The following CNTNAP5 variants were observed in gnomAD, a reference collection of about 807,000 sequenced individuals.
The protein encoded by CNTNAP5 is contactin-associated protein-like 5.
CNTNAP5 carries 72 observed loss-of-function variants against 150.2 expected under a neutral mutation model. The ratio of observed to expected loss-of-function variants is 0.48; its 90% confidence interval spans 0.40 to 0.58. The LOEUF (loss-of-function observed/expected upper bound fraction) is 0.58, where lower values mean the gene tolerates loss of function less well. CNTNAP5 is among the 20% of genes least tolerant of loss of function. The pLI is 0.00. For synonymous variants in CNTNAP5, 672 were observed against 619.8 expected, an observed-to-expected ratio of 1.08 and a Z score of -1.25; for missense variants, 1,636 against 1,626.2, an observed-to-expected ratio of 1.01 and a Z score of -0.10.
At chr2:124,037,042 C>G (rs1326247152) in intron 1 of CNTNAP5, among the ~76,000 whole-genome samples, 1 of 152,268 alleles carries the variant, frequency 6.6e-6, no homozygotes, top group Non-Finnish European at 1.5e-5. Flanking sequence ...TCTAGACCCA[C>G]AGATTCTGCC....
At chr2:124,538,731 G>T (rs534050680) in intron 10 of CNTNAP5, among the ~76,000 whole-genome samples, 1 of 152,138 alleles carries the variant, frequency 6.6e-6, no homozygotes, top group Non-Finnish European at 1.5e-5. Context: ...TGGCAGAGTA[G>T]CAGAGGAGAC....
At chr2:124,090,449 G>A (rs1466399080) in intron 1 of CNTNAP5, among the ~76,000 whole-genome samples, 1 of 152,134 alleles carries the variant, frequency 6.6e-6, no homozygotes, top group African/African-American at 2.4e-5. Flanking sequence ...CATTATCTAT[G>A]AGACTCTAAT....
At chr2:124,372,267 TG>T (rs1045362045) in intron 3 of CNTNAP5, among the ~76,000 whole-genome samples, 67 of 152,178 alleles carry the variant, frequency 4.4e-4, no homozygotes, top group African/African-American at 1.6e-3. Context: ...AGCCTCATAC[TG>T]GGGACTGTGC....
rs1471654158 is a variant in CNTNAP5, at chr2:124,842,308, G to A, written c.3218-22998G>A. 5.3e-5 allele frequency among the ~76,000 whole-genome samples: 8 copies of A among 152,258 alleles called. No individual in the cohort carries two copies. In the East Asian group the frequency reaches 1.4e-3, roughly 26 times the overall value. On this transcript the variant is annotated intron_variant, in intron 19 of 23. Coordinates refer to ENST00000682447, the MANE Select transcript of CNTNAP5 (RefSeq NM_001367498.1). ...TCAGTTTCTCCCATGGAGTTTTGTG[G>A]AGTGTACCTTTTATACATGCAACAG...
Position 124,798,202 on chromosome 2 carries a change from T to A in CNTNAP5, c.3099T>A (p.Asp1033Glu). Residue 1033 changes from aspartate to glutamate, a missense_variant, in exon 19 of 24, where the codon GAT becomes GAA. Transcript: ENST00000682447. The stretch of plus-strand genomic sequence containing the variant: ...TCTCATCCTCAGCTATTTACACAGA[T>A]TCAGCTCCATCCAAGGAAAACATTG... ...ISLSSSAIYTDSAPSKENIAL... is the reference protein window; with the variant it reads ...ISLSSSAIYTESAPSKENIAL... The A allele has an allele frequency of 6.2e-7, 1 of 1,613,846 alleles. No homozygotes were observed. The highest frequency in any genetic ancestry group is 8.5e-7 in the Non-Finnish European group (1 of 1,179,760).
intron 13 of CNTNAP5, among the ~76,000 whole-genome samples, chr2:124,728,130 T>C (rs1680199015): frequency 6.6e-6 from 1 of 152,088 alleles, no homozygotes. Flanking sequence ...TGTTGAACAA[T>C]CCTTTTATCT....
chr2:124,209,282 G>T (rs1316189379), intron 1 of CNTNAP5, among the ~76,000 whole-genome samples: 2 of 152,180 alleles, frequency 1.3e-5, no homozygotes, highest in African/African-American at 4.8e-5. Flanking sequence ...AAGTCAGAGA[G>T]AAGATGCGTT....
rs1678764451 is a variant in CNTNAP5 at position 124,916,179 on chromosome 2, T to G, written c.*1891T>G. Among the ~76,000 whole-genome samples the G allele has an allele frequency of 6.6e-6, 1 of 151,958 alleles. No homozygotes were observed. The highest frequency in any genetic ancestry group is 2.1e-4 in the South Asian group (1 of 4,836). On this transcript the variant is annotated 3_prime_UTR_variant, in exon 24 of 24. Coordinates refer to ENST00000682447, the MANE Select transcript of CNTNAP5 (RefSeq NM_001367498.1). ...AATGCATATTCTCTCCTCGAAATTT[T>G]CTGTGGATTTGAGCTCAATCGCTTT... is the stretch of plus-strand genomic sequence containing the variant.
intron 4 of CNTNAP5, among the ~76,000 whole-genome samples, chr2:124,427,604 C>T (rs1326594327): frequency 1.3e-5 from 2 of 151,704 alleles, no homozygotes; most frequent in Non-Finnish European, 2.9e-5. Flanking sequence ...TTACAGGTGC[C>T]CACAAGGACG....
chr2:124,656,746 A>G (rs1350270570), intron 13 of CNTNAP5, among the ~76,000 whole-genome samples: 2 of 152,228 alleles, frequency 1.3e-5, no homozygotes, highest in Non-Finnish European at 2.9e-5. Context: ...ACTACATAAA[A>G]TAAAATATGC....
At chr2:124,485,631 A>AAAGAAGAAG (rs1553472351) in intron 7 of CNTNAP5, among the ~76,000 whole-genome samples, 2 of 134,266 alleles carry the variant, frequency 1.5e-5, no homozygotes, top group Admixed American at 8.2e-5. Context: ...AAAAAAAAAA[A>AAAGAAGAAG]AAAGAAGAAG....
chr2:124,039,108 A>G (rs1422372015), intron 1 of CNTNAP5, among the ~76,000 whole-genome samples: 2 of 152,208 alleles, frequency 1.3e-5, no homozygotes, highest in East Asian at 3.8e-4. Flanking sequence ...ATTGGAATTT[A>G]CTGATTTGAA....
chr2:124,760,704 T>A, intron 14 of CNTNAP5, among the ~76,000 whole-genome samples: 1 of 152,132 alleles, frequency 6.6e-6, no homozygotes, highest in East Asian at 1.9e-4. Flanking sequence ...TGCTCATGCA[T>A]TCCTGGTGTG....
chr2:124,419,153 A>AAAAAAAAAAAAAAAAC (rs1553466545), intron 4 of CNTNAP5, among the ~76,000 whole-genome samples: 11 of 76,416 alleles, frequency 1.4e-4, no homozygotes, highest in Admixed American at 3.2e-4. Flanking sequence ...AAAAAAAAAA[A>AAAAAAAAAAAAAAAAC]AAAAAAAAAA....
intron 16 of CNTNAP5, among the ~76,000 whole-genome samples, chr2:124,772,543 A>G (rs1681226919): frequency 6.6e-6 from 1 of 152,200 alleles, no homozygotes; most frequent in African/African-American, 2.4e-5. Flanking sequence ...CAGGTATATC[A>G]GATGAGCATG....
At chr2:124,372,902 T>G (rs1170285003) in intron 3 of CNTNAP5, among the ~76,000 whole-genome samples, 1 of 152,114 alleles carries the variant, frequency 6.6e-6, no homozygotes, top group Non-Finnish European at 1.5e-5. Context: ...GTATCAAATA[T>G]GCATGTGAGG....
chr2:124,538,561 AAAAGAAAG>A (rs544582073), intron 10 of CNTNAP5, among the ~76,000 whole-genome samples: 3 of 151,144 alleles, frequency 2.0e-5, no homozygotes, highest in Admixed American at 6.6e-5. Context: ...AGAAAGAAAG[AAAAGAAAG>A]AAAGAAAGAA....
chr2:124,052,165 G>T (rs1681713826), intron 1 of CNTNAP5, among the ~76,000 whole-genome samples: 1 of 152,114 alleles, frequency 6.6e-6, no homozygotes, highest in Non-Finnish European at 1.5e-5. Context: ...GCCCACACTG[G>T]TCTGCAGATA....
rs199523922 is a variant in CNTNAP5 at position 124,594,882 on chromosome 2, T to C, written c.1757-14919T>C. Among the ~76,000 whole-genome samples the C allele has an allele frequency of 1.0e-4, 10 of 100,430 alleles. 1 individual carries two copies. The East Asian group carries it at 7.1e-3, about 71-fold the overall frequency. 65.9% of individuals were successfully genotyped at this position (100,430 alleles called of 152,430 possible). On this transcript the variant is annotated intron_variant, in intron 11 of 23. Coordinates refer to ENST00000682447, the MANE Select transcript of CNTNAP5 (RefSeq NM_001367498.1). Reference sequence around the variant, plus strand: ...CTTGTAAGTTGGATTCCTAGGTATTTTATTCTCTTTGAAGCAATTGTGAAT... The same window carrying C: ...CTTGTAAGTTGGATTCCTAGGTATTCTATTCTCTTTGAAGCAATTGTGAAT...
Sources: gnomAD v4.1 joint callset for allele counts (sites outside exome capture counted in the v4.1 genomes callset) on GRCh38, gnomAD v4.1.1 for gene constraint, MANE v1.5 for transcripts, NCBI Gene and HGNC (gene_info 2026-07-23, HGNC 2026-07-21) for gene names.